UBE2E2: variants seen among roughly 807,000 people sequenced by gnomAD.
The protein encoded by UBE2E2 is ubiquitin conjugating enzyme E2 E2.
UBE2E2 carries 6 observed loss-of-function variants against 24.7 expected under a neutral mutation model. The observed-to-expected ratio is 0.24, with a 90% CI of 0.13 to 0.48. The LOEUF is 0.48. Among genes scored for constraint, UBE2E2 ranks in the 20% least tolerant of loss-of-function variants. The pLI, the probability that UBE2E2 is intolerant of heterozygous loss-of-function variation, is 0.99. For synonymous variants in UBE2E2, 104 were observed against 83.6 expected, an observed-to-expected ratio of 1.24 and a Z score of -1.33; for missense variants, 169 against 245.0, an observed-to-expected ratio of 0.69 and a Z score of 2.07.
chr3:23,517,415 T>C (rs1016567103), intron 4 of UBE2E2, among the ~76,000 whole-genome samples: 1 of 152,150 alleles, frequency 6.6e-6, no homozygotes, highest in African/African-American at 2.4e-5. Context: ...ACACCTCCCA[T>C]CTCAGACTCC....
intron 3 of UBE2E2, among the ~76,000 whole-genome samples, chr3:23,357,779 G>A (rs1329500630): frequency 2.0e-5 from 3 of 152,038 alleles, no homozygotes; most frequent in African/African-American, 7.2e-5. Context: ...ATAAACATAC[G>A]GTGTCTACAT....
intron 3 of UBE2E2, among the ~76,000 whole-genome samples, chr3:23,391,253 G>T (rs191017635): frequency 1.3e-5 from 2 of 152,180 alleles, no homozygotes; most frequent in Non-Finnish European, 2.9e-5. Context: ...ATTCCTAGAA[G>T]TCAGCCTAAG....
intron 5 of UBE2E2, among the ~76,000 whole-genome samples, chr3:23,546,664 G>A (rs1228677629): frequency 6.6e-6 from 1 of 151,016 alleles, no homozygotes; most frequent in Non-Finnish European, 1.5e-5. Context: ...GTAGAGGTGG[G>A]GTTTCTCCAT....
intron 3 of UBE2E2, among the ~76,000 whole-genome samples, chr3:23,390,945 A>T (rs1181716988): frequency 6.6e-6 from 1 of 152,232 alleles, no homozygotes; most frequent in African/African-American, 2.4e-5. Context: ...ATAAGTAATA[A>T]TGTAGATATA....
At chr3:23,549,988 G>A (rs1026627261) in intron 5 of UBE2E2, among the ~76,000 whole-genome samples, 4 of 148,378 alleles carry the variant, frequency 2.7e-5, no homozygotes, top group Non-Finnish European at 5.9e-5. Context: ...AGACGAGATC[G>A]CACCATTGCA....
At chr3:23,535,559 C>T (rs945209373) in intron 5 of UBE2E2, among the ~76,000 whole-genome samples, 1 of 150,640 alleles carries the variant, frequency 6.6e-6, no homozygotes, top group African/African-American at 2.4e-5. Flanking sequence ...GTAGATCTAA[C>T]TGCTGGTCTT....
chr3:23,252,025 C>T (rs1332511952), intron 3 of UBE2E2, among the ~76,000 whole-genome samples: 3 of 152,142 alleles, frequency 2.0e-5, no homozygotes, highest in Admixed American at 6.5e-5. Context: ...TCCAAGGGGG[C>T]ACATGTATTA....
At chr3:23,478,944 G>C (rs970301814) in intron 3 of UBE2E2, among the ~76,000 whole-genome samples, 36 of 151,718 alleles carry the variant, frequency 2.4e-4, no homozygotes, top group Admixed American at 1.4e-3. Context: ...TGTGGTTCCA[G>C]CTACTCAAGA....
At chr3:23,224,370 C>A (rs1445129017) in intron 3 of UBE2E2, among the ~76,000 whole-genome samples, 1 of 151,642 alleles carries the variant, frequency 6.6e-6, no homozygotes, top group Non-Finnish European at 1.5e-5. Flanking sequence ...ATGAGTCTTT[C>A]ACTTCTTTTG....
chr3:23,568,667 ACG>A (rs35054154), intron 5 of UBE2E2, among the ~76,000 whole-genome samples: 70,693 of 137,496 alleles, frequency 0.51, 18,716 homozygotes, highest in East Asian at 0.72. Flanking sequence ...ATACATATAT[ACG>A]CACATATATG....
At chr3:23,456,151 G>A (rs1229627941) in intron 3 of UBE2E2, among the ~76,000 whole-genome samples, 1 of 152,156 alleles carries the variant, frequency 6.6e-6, no homozygotes, top group African/African-American at 2.4e-5. Flanking sequence ...ATTTGTTCAA[G>A]TTTGATCATA....
At chr3:23,429,344 A>G (rs891636872) in intron 3 of UBE2E2, among the ~76,000 whole-genome samples, 13 of 152,186 alleles carry the variant, frequency 8.5e-5, no homozygotes, top group African/African-American at 2.9e-4. Context: ...AAAGAAAACT[A>G]CACACCAAAA....
intron 3 of UBE2E2, among the ~76,000 whole-genome samples, chr3:23,472,653 CTT>C (rs572862770): frequency 1.5e-4 from 22 of 143,380 alleles, no homozygotes; most frequent in Non-Finnish European, 2.0e-4. Flanking sequence ...ATCTGTAACA[CTT>C]TTTTTTTTTT....
intron 5 of UBE2E2, among the ~76,000 whole-genome samples, chr3:23,569,966 G>A (rs944354070): frequency 1.3e-5 from 2 of 152,140 alleles, no homozygotes; most frequent in Non-Finnish European, 2.9e-5. Context: ...GCTATGTTTT[G>A]TGGAATCTTG....
rs1278761923 is a variant in UBE2E2, at chr3:23,236,762, CT to C, written c.227+19452del. On this transcript the variant is annotated intron_variant, in intron 3 of 5. Transcript: ENST00000396703. ...AAGCCAGCGTTGGCCTAAGTGTACT[CT>C]TAAACATTTCCTGTGGATGTGTGGA... Among the ~76,000 whole-genome samples, 4 of 152,248 alleles carry C rather than the reference CT, an allele frequency of 2.6e-5. No individual in the cohort carries two copies. The East Asian group carries it at 5.8e-4, about 22-fold the overall frequency.
intron 3 of UBE2E2, among the ~76,000 whole-genome samples, chr3:23,245,258 A>G (rs1302857448): frequency 7.9e-5 from 12 of 152,154 alleles, no homozygotes; most frequent in African/African-American, 1.2e-4. Context: ...AAGTTTTACA[A>G]TGTTTGAAAG....
At chr3:23,396,330 C>CATATATAT (rs1559371502) in intron 3 of UBE2E2, among the ~76,000 whole-genome samples, 1 of 97,326 alleles carries the variant, frequency 1.0e-5, no homozygotes, top group African/African-American at 4.0e-5. Flanking sequence ...TATATATATA[C>CATATATAT]GTATATATAT....
At chr3:23,428,802 A>G (rs577347809) in intron 3 of UBE2E2, among the ~76,000 whole-genome samples, 1 of 151,944 alleles carries the variant, frequency 6.6e-6, no homozygotes, top group East Asian at 1.9e-4. Flanking sequence ...TCTACAAAAA[A>G]TAGCCTGGTG....
chr3:23,355,963 A>G (rs529635067), intron 3 of UBE2E2, among the ~76,000 whole-genome samples: 1 of 152,242 alleles, frequency 6.6e-6, no homozygotes, highest in Non-Finnish European at 1.5e-5. Flanking sequence ...TGTTTTACAC[A>G]GGAGGCTGCC....
Sources: allele counts gnomAD v4.1 joint callset (sites outside exome capture counted in the v4.1 genomes callset), GRCh38; gene constraint gnomAD v4.1.1; transcripts MANE v1.5; gene names NCBI Gene and HGNC (gene_info 2026-07-23, HGNC 2026-07-21).